Variants in KCNQ1 observed in about 807,000 individuals in gnomAD.
The protein encoded by KCNQ1 is potassium voltage-gated channel subfamily KQT member 1.
A neutral mutation model predicts 72.4 loss-of-function variants in KCNQ1; 49 were observed. That is an observed-to-expected ratio of 0.68 (90% confidence interval 0.54 to 0.86). The LOEUF is 0.86. Among genes scored for constraint, KCNQ1 ranks in the 40% least tolerant of loss-of-function variants. KCNQ1 has a pLI of 0.00. For synonymous variants in KCNQ1, 450 were observed against 412.6 expected (o/e 1.09, Z -1.10); for missense variants, 790 against 945.1 (o/e 0.84, Z 2.15).
intron 11 of KCNQ1, chr11:2,680,443 T>C (rs1850376520): frequency 2.5e-6 from 1 of 398,422 alleles, no homozygotes; most frequent in African/African-American, 2.1e-5. Context: ...CTAAAATTCA[T>C]TTCTGGGTAT....
intron 11 of KCNQ1, among the ~76,000 whole-genome samples, chr11:2,716,747 G>T (rs79753560): frequency 0.012 from 1,825 of 152,340 alleles, 58 homozygotes; most frequent in East Asian, 0.089. Context: ...TCCTTCAGGA[G>T]GTGGAACTGG....
chr11:2,614,244 C>G (rs982155499), intron 10 of KCNQ1: 1 of 398,426 alleles, frequency 2.5e-6, no homozygotes, highest in African/African-American at 2.1e-5. Flanking sequence ...AGCTGCTGCT[C>G]TGGACTACCT....
In KCNQ1 at chr11:2,658,418, T is replaced by A. The variant is rs1037833480; in HGVS notation, c.1394-3543T>A. On this transcript the variant is annotated intron_variant, in intron 10 of 15. Coordinates refer to ENST00000155840, the MANE Select transcript of KCNQ1 (RefSeq NM_000218.3). The surrounding 1 kb of genome is among the most constrained non-coding windows in gnomAD (Gnocchi z 4.9). ...TTATTTATTTTGTTGCTCAAATTGT[T>A]CAAGCTGTGGCCACTGGTGGGTTCA... The A allele has an allele frequency of 5.0e-6, 2 of 398,604 alleles. No homozygotes were observed. The highest frequency in any genetic ancestry group is 4.1e-5 in the African/African-American group (2 of 48,742). 24.7% of individuals were successfully genotyped at this position (398,604 alleles called of 1,614,324 possible).
chr11:2,708,847 C>A (rs918950665), intron 11 of KCNQ1, among the ~76,000 whole-genome samples: 1 of 152,162 alleles, frequency 6.6e-6, no homozygotes, highest in African/African-American at 2.4e-5. Flanking sequence ...GCAACAGGGG[C>A]AGCTCCAGCT....
rs145292986 is a variant in KCNQ1 at position 2,552,628 on chromosome 11, A to G, written c.478-18000A>G. Among the ~76,000 whole-genome samples the G allele has an allele frequency of 6.7e-3, 1,016 of 152,302 alleles. 11 individuals carry two copies. The highest frequency in any genetic ancestry group is 0.023 in the African/African-American group (964 of 41,534). The stretch of plus-strand genomic sequence containing the variant: ...AGAATTTTGATTGGCATTGCATTGG[A>G]TATGTAGATAAATTTGGATCTCATA... On this transcript the variant is annotated intron_variant, in intron 2 of 15. Transcript: ENST00000155840.
intron 11 of KCNQ1, chr11:2,697,481 A>G (rs1300131468): frequency 5.0e-6 from 2 of 398,492 alleles, no homozygotes; most frequent in East Asian, 7.1e-5. Context: ...AAGTTTACTG[A>G]AAAGTTAAGT....
In KCNQ1 at chr11:2,679,688, AT is replaced by A. The variant is rs550813650; in HGVS notation, c.1514+17615del. 214 of 398,358 alleles carry A rather than the reference AT, an allele frequency of 5.4e-4. 1 individual carries two copies. Among genetic ancestry groups the A allele is most frequent in the African/African-American group, 3.9e-3 (191 of 48,646 alleles). The allele number at this position is 398,358 out of a possible 1,614,324, so 24.7% of individuals were successfully genotyped here. ...TAGGATGCATAGGATCCCAGATTAG[AT>A]TTTTTTTAAATCAGCCGTTCTCTGT... On this transcript the variant is annotated intron_variant, in intron 11 of 15. Coordinates refer to ENST00000155840, the MANE Select transcript of KCNQ1 (RefSeq NM_000218.3). This position sits in a 1 kb window ranked among gnomAD's most constrained non-coding sequence, Gnocchi z 4.8.
Position 2,669,738 on chromosome 11 carries a change from T to C in KCNQ1, c.1514+7657T>C. On this transcript the variant is annotated intron_variant, in intron 11 of 15. Transcript: ENST00000155840. This position sits in a 1 kb window ranked among gnomAD's most constrained non-coding sequence, Gnocchi z 5.6. Reference sequence around the variant, plus strand: ...CCTGACTCGGGGAAATGCCTGAAAATATTAGCCAGCATAGAATGTCTCTTT... The same window carrying C: ...CCTGACTCGGGGAAATGCCTGAAAACATTAGCCAGCATAGAATGTCTCTTT... The C allele has an allele frequency of 2.5e-6, 1 of 398,622 alleles. No homozygotes were observed. Among genetic ancestry groups the C allele is most frequent in the Non-Finnish European group, 4.4e-6 (1 of 226,092 alleles). 24.7% of individuals were successfully genotyped at this position (398,622 alleles called of 1,614,324 possible).
At position 2,526,397 on chromosome 11, in the gene KCNQ1, A is replaced by G. The variant is rs1847506356; in HGVS notation, c.387-1531A>G. Among the ~76,000 whole-genome samples the G allele has an allele frequency of 6.6e-6, 1 of 151,966 alleles. No individual in the cohort carries two copies. Among genetic ancestry groups the G allele is most frequent in the Non-Finnish European group, 1.5e-5 (1 of 67,968 alleles). On this transcript the variant is annotated intron_variant, in intron 1 of 15. Coordinates refer to ENST00000155840, the MANE Select transcript of KCNQ1 (RefSeq NM_000218.3). This position sits in a 1 kb window ranked among gnomAD's most constrained non-coding sequence, Gnocchi z 6.1. Reference sequence around the variant, plus strand: ...AGGTGGCTGAGGAAATGGTAGCTGCAGGTTTTGGCCCCAGTCCCAGCAGCG... The same window carrying G: ...AGGTGGCTGAGGAAATGGTAGCTGCGGGTTTTGGCCCCAGTCCCAGCAGCG...
intron 15 of KCNQ1, among the ~76,000 whole-genome samples, chr11:2,792,355 G>C (rs1008721051): frequency 1.3e-5 from 2 of 152,238 alleles, no homozygotes; most frequent in African/African-American, 4.8e-5. Flanking sequence ...GGAGTGGATG[G>C]GGTGTGTGCC....
chr11:2,550,270 T>C lies in KCNQ1; in HGVS notation c.478-20358T>C, dbSNP rs921103452. 6.6e-5 allele frequency among the ~76,000 whole-genome samples: 10 copies of C among 152,320 alleles called. No individual in the cohort carries two copies. Among genetic ancestry groups the C allele is most frequent in the African/African-American group, 2.4e-4 (10 of 41,568 alleles). On this transcript the variant is annotated intron_variant, in intron 2 of 15. Transcript: ENST00000155840. This position sits in a 1 kb window ranked among gnomAD's most constrained non-coding sequence, Gnocchi z 6.0. ...TTCTGATCACGGGGTGAGAGGGTCT[T>C]TGCAGTTGCAGAGCCGTGGCGCGGC...
chr11:2,510,757 C>G (rs916127173), intron 1 of KCNQ1, among the ~76,000 whole-genome samples: 2 of 152,208 alleles, frequency 1.3e-5, no homozygotes, highest in African/African-American at 4.8e-5. Context: ...AGATTCTAGG[C>G]CAGAGCCTGC....
Position 2,768,851 on chromosome 11 carries a change from G to A in KCNQ1, c.1522G>A (p.Glu508Lys). The change falls in exon 12 of 16, where the codon GAA (glutamate) becomes AAA (lysine). Residue 508 changes from glutamate (E) to lysine (K), a missense_variant. Coordinates refer to ENST00000155840, the MANE Select transcript of KCNQ1 (RefSeq NM_000218.3). This position sits in a 1 kb window ranked among gnomAD's most constrained non-coding sequence, Gnocchi z 6.7. Reference protein sequence around the residue: ...TPITHISQLREHHRATIKVIR... With the variant: ...TPITHISQLRKHHRATIKVIR... ...CTCCTCTCTCCACTGCAGGCTGCGG[G>A]AACACCATCGGGCCACCATTAAGGT... 1.2e-6 allele frequency: 2 copies of A among 1,613,988 alleles called. No individual in the cohort carries two copies. The highest frequency in any genetic ancestry group is 1.7e-6 in the Non-Finnish European group (2 of 1,179,916).
chr11:2,843,563 G>A (rs1848255518), intron 15 of KCNQ1, among the ~76,000 whole-genome samples: 1 of 152,256 alleles, frequency 6.6e-6, no homozygotes, highest in Non-Finnish European at 1.5e-5. Flanking sequence ...GGGAGCAGCG[G>A]GTGTGCCCGG....
At chr11:2,461,688 C>T (rs3889377) in intron 1 of KCNQ1, 1 of 1,367,208 alleles carries the variant, frequency 7.3e-7, no homozygotes. Flanking sequence ...CCTGTGCTTC[C>T]TGAGCCAGTG....
At chr11:2,697,285 C>A (rs58129562) in intron 11 of KCNQ1, 1 of 398,514 alleles carries the variant, frequency 2.5e-6, no homozygotes, top group South Asian at 1.3e-4. Flanking sequence ...TACAACAAGT[C>A]GTAACACCAA....
chr11:2,620,170 G>A lies in KCNQ1; in HGVS notation c.1393+31316G>A. ...GATAGTGGCCTCTAGCTGCATCCAT[G>A]TTGCTGCAAAGGACGTAAGTTCATT... On this transcript the variant is annotated intron_variant, in intron 10 of 15. Coordinates refer to ENST00000155840, the MANE Select transcript of KCNQ1 (RefSeq NM_000218.3). This position sits in a 1 kb window ranked among gnomAD's most constrained non-coding sequence, Gnocchi z 4.5. 2.5e-6 allele frequency: 1 copy of A among 394,598 alleles called. No individual in the cohort carries two copies. The highest frequency in any genetic ancestry group is 4.4e-6 in the Non-Finnish European group (1 of 224,754). 24.4% of individuals were successfully genotyped at this position (394,598 alleles called of 1,614,324 possible). A position where few individuals can be genotyped will look rare whatever the true frequency, so the allele number is the denominator to read the frequency against.
intron 1 of KCNQ1, among the ~76,000 whole-genome samples, chr11:2,496,495 CTTTTTTTT>C: frequency 1.1e-3 from 32 of 29,844 alleles, no homozygotes; most frequent in African/African-American, 2.9e-3. Flanking sequence ...ACAACCCCTG[CTTTTTTTT>C]TTTTTTTTTT....
At chr11:2,726,757 C>G (rs1845772211) in intron 11 of KCNQ1, among the ~76,000 whole-genome samples, 1 of 152,304 alleles carries the variant, frequency 6.6e-6, no homozygotes, top group South Asian at 2.1e-4. Context: ...AGCCGGCTTT[C>G]CCATGGAATG....
Sources: allele counts gnomAD v4.1 joint callset (sites outside exome capture counted in the v4.1 genomes callset), GRCh38; gene constraint gnomAD v4.1.1; non-coding constraint Gnocchi (gnomAD v3.1); transcripts MANE v1.5; gene names NCBI Gene and HGNC (gene_info 2026-07-23, HGNC 2026-07-21).